Variants in OLFM3 observed in about 807,000 individuals in gnomAD.
OLFM3 encodes noelin-3.
A neutral mutation model predicts 48.6 loss-of-function variants in OLFM3; 20 were observed. The observed-to-expected ratio is 0.41, with a 90% CI of 0.29 to 0.60. OLFM3 has a LOEUF of 0.60. Ranked by LOEUF, OLFM3 falls within the 20% of genes least tolerant of loss-of-function variation. OLFM3 has a pLI of 0.28. For synonymous variants in OLFM3, 222 were observed against 198.1 expected (o/e 1.12, Z -1.01); for missense variants, 437 against 544.3 (o/e 0.80, Z 1.96).
intron 4 of OLFM3, 114 bp downstream of exon 4, chr1:101,824,912 G>A (rs1334250893): frequency 3.5e-6 from 3 of 869,136 alleles, no homozygotes; most frequent in South Asian, 1.7e-5. Flanking sequence ...TAGAAAATGG[G>A]CTCTGATTTC....
chr1:101,957,684 C>T (rs1660338759), intron 1 of OLFM3, among the ~76,000 whole-genome samples: 1 of 151,906 alleles, frequency 6.6e-6, no homozygotes, highest in Admixed American at 6.6e-5. Flanking sequence ...CTAGATGTTA[C>T]ATAAGTGAGG....
chr1:101,942,765 T>C lies in OLFM3; in HGVS notation c.69+53983A>G, dbSNP rs559798085. 4.6e-5 allele frequency among the ~76,000 whole-genome samples: 7 copies of C among 152,312 alleles called. No individual in the cohort carries two copies. In the East Asian group the frequency reaches 9.6e-4, roughly 21 times the overall value. ...ATGAATAAGTTACTGGAGAGTGACA[T>C]TTGAATAATAGCATTGCATTAAGAG... On this transcript the variant is annotated intron_variant, in intron 1 of 5. Transcript: ENST00000370103.
intron 1 of OLFM3, among the ~76,000 whole-genome samples, chr1:101,933,199 C>T (rs1443801621): frequency 9.9e-5 from 4 of 40,596 alleles, no homozygotes; most frequent in Non-Finnish European, 1.6e-4. Flanking sequence ...GAGACTCCAT[C>T]TCAAAAAAAA....
intron 3 of OLFM3, among the ~76,000 whole-genome samples, chr1:101,829,708 G>A (rs542345732): frequency 1.7e-4 from 26 of 152,354 alleles, no homozygotes; most frequent in African/African-American, 6.3e-4. Context: ...CTTCCTAACT[G>A]ACAAGAAAAC....
intron 1 of OLFM3, among the ~76,000 whole-genome samples, chr1:101,980,094 T>C (rs1229413772): frequency 6.6e-6 from 1 of 152,224 alleles, no homozygotes; most frequent in African/African-American, 2.4e-5. Context: ...GGAGAATTTA[T>C]CCAATGCCTG....
intron 1 of OLFM3, among the ~76,000 whole-genome samples, chr1:101,873,916 TTTTA>T (rs1265643174): frequency 2.0e-5 from 3 of 151,952 alleles, no homozygotes; most frequent in Non-Finnish European, 4.4e-5. Flanking sequence ...AAAATTTACA[TTTTA>T]TTTATTAAAA....
intron 4 of OLFM3, among the ~76,000 whole-genome samples, chr1:101,816,482 G>T (rs890670726): frequency 2.0e-5 from 3 of 152,082 alleles, no homozygotes; most frequent in African/African-American, 4.8e-5. Flanking sequence ...TATAATTTTT[G>T]TGTGTGAGTG....
At chr1:101,915,078 C>T (rs1191455568) in intron 1 of OLFM3, among the ~76,000 whole-genome samples, 2 of 152,246 alleles carry the variant, frequency 1.3e-5, no homozygotes, top group East Asian at 1.9e-4. Flanking sequence ...ACCAACACTA[C>T]ATAAAGTAGG....
chr1:101,915,282 T>C (rs527986128), intron 1 of OLFM3, among the ~76,000 whole-genome samples: 1 of 152,248 alleles, frequency 6.6e-6, no homozygotes, highest in African/African-American at 2.4e-5. Flanking sequence ...GTGGGAATTA[T>C]TATTTAAATA....
intron 1 of OLFM3, among the ~76,000 whole-genome samples, chr1:101,863,465 G>T (rs949958326): frequency 2.0e-5 from 3 of 152,048 alleles, no homozygotes; most frequent in African/African-American, 7.2e-5. Context: ...CCAGATTTTT[G>T]ACCATTTCTC....
chr1:101,845,600 T>G (rs1655956756), intron 1 of OLFM3, among the ~76,000 whole-genome samples: 1 of 152,232 alleles, frequency 6.6e-6, no homozygotes, highest in Non-Finnish European at 1.5e-5. Flanking sequence ...GTTTATGTTT[T>G]GTAATTGTTT....
intron 1 of OLFM3, among the ~76,000 whole-genome samples, chr1:101,871,653 T>C (rs1382552568): frequency 6.6e-6 from 1 of 151,898 alleles, no homozygotes; most frequent in Non-Finnish European, 1.5e-5. Flanking sequence ...CACAACAAAA[T>C]CGAAGCCAAA....
At chr1:101,828,248 CTT>C (rs1352390445) in intron 3 of OLFM3, among the ~76,000 whole-genome samples, 1 of 152,154 alleles carries the variant, frequency 6.6e-6, no homozygotes, top group East Asian at 1.9e-4. Flanking sequence ...CCAATACACT[CTT>C]TGTGCTCCAG....
chr1:101,953,296 G>A (rs997228205), intron 1 of OLFM3, among the ~76,000 whole-genome samples: 13 of 152,028 alleles, frequency 8.6e-5, no homozygotes, highest in South Asian at 2.1e-4. Context: ...GTGGGCATTC[G>A]TCCCTCCACC....
chr1:101,996,241 T>C (rs1376268044), intron 1 of OLFM3, among the ~76,000 whole-genome samples: 1 of 152,150 alleles, frequency 6.6e-6, no homozygotes, highest in African/African-American at 2.4e-5. Flanking sequence ...GCTCTGCTGC[T>C]CTGCCATGTG....
chr1:101,889,233 CAA>C (rs900697006), intron 1 of OLFM3, among the ~76,000 whole-genome samples: 8 of 152,098 alleles, frequency 5.3e-5, no homozygotes, highest in African/African-American at 1.9e-4. Context: ...TTCACAATAG[CAA>C]AGACTTGGAA....
chr1:101,963,889 T>C (rs1371088839), intron 1 of OLFM3, among the ~76,000 whole-genome samples: 39 of 152,186 alleles, frequency 2.6e-4, no homozygotes, highest in Admixed American at 2.6e-3. Flanking sequence ...GTATTGTAAA[T>C]ACTGATTTAC....
intron 1 of OLFM3, among the ~76,000 whole-genome samples, chr1:101,904,167 C>A (rs1658481933): frequency 6.6e-6 from 1 of 151,928 alleles, no homozygotes; most frequent in South Asian, 2.1e-4. Context: ...TATTGAATAG[C>A]CCACAATAAC....
At chr1:101,931,435 T>C (rs1396394760) in intron 1 of OLFM3, among the ~76,000 whole-genome samples, 1 of 152,170 alleles carries the variant, frequency 6.6e-6, no homozygotes, top group Non-Finnish European at 1.5e-5. Context: ...ATGGTATAGC[T>C]GCTGAGGAAT....
Sources: gnomAD v4.1 joint callset for allele counts (sites outside exome capture counted in the v4.1 genomes callset) on GRCh38, gnomAD v4.1.1 for gene constraint, MANE v1.5 for transcripts, NCBI Gene and HGNC (gene_info 2026-07-23, HGNC 2026-07-21) for gene names.